The following SGCG variants were observed in gnomAD, a reference collection of about 807,000 sequenced individuals.
SGCG encodes gamma-sarcoglycan.
A neutral mutation model predicts 29.3 loss-of-function variants in SGCG; 26 were observed. The observed-to-expected ratio is 0.89, with a 90% CI of 0.65 to 1.23. The LOEUF is 1.23. SGCG is among the 50% of genes most tolerant of loss of function. SGCG has a pLI of 0.00. For synonymous variants in SGCG, 145 were observed against 129.7 expected (o/e 1.12, Z -0.80); for missense variants, 353 against 356.0 (o/e 0.99, Z 0.07).
intron 5 of SGCG, among the ~76,000 whole-genome samples, chr13:23,288,630 T>C (rs1370866787): frequency 6.6e-6 from 1 of 152,202 alleles, no homozygotes; most frequent in African/African-American, 2.4e-5. Flanking sequence ...CAGGCTCATC[T>C]TCCTCCCCCA....
intron 2 of SGCG, among the ~76,000 whole-genome samples, chr13:23,227,795 C>G (rs1033423762): frequency 7.9e-5 from 12 of 152,100 alleles, no homozygotes; most frequent in Non-Finnish European, 1.8e-4. Context: ...TGCAGAGGGG[C>G]ACGGGACATT....
intron 5 of SGCG, among the ~76,000 whole-genome samples, chr13:23,281,630 A>G (rs986833529): frequency 6.6e-6 from 1 of 152,114 alleles, no homozygotes; most frequent in Non-Finnish European, 1.5e-5. Context: ...ATGGAAGAAA[A>G]TGTTTTCACA....
chr13:23,261,002 C>G (rs1226286351), intron 4 of SGCG, among the ~76,000 whole-genome samples: 4 of 152,032 alleles, frequency 2.6e-5, no homozygotes, highest in African/African-American at 9.7e-5. Context: ...GTGAATCTGA[C>G]AATTATGTGT....
At chr13:23,223,898 G>A (rs4238169) in intron 2 of SGCG, among the ~76,000 whole-genome samples, 90,539 of 151,880 alleles carry the variant, frequency 0.6, 27,566 homozygotes, top group East Asian at 0.86. Context: ...CCCGGGAGGT[G>A]GAGGTTGCAG....
chr13:23,192,764 G>T (rs1186610748), intron 1 of SGCG, among the ~76,000 whole-genome samples: 1 of 152,194 alleles, frequency 6.6e-6, no homozygotes, highest in African/African-American at 2.4e-5. Context: ...AATAATTTAG[G>T]TCTTTAATTG....
In SGCG at chr13:23,279,433, G is replaced by A; in HGVS notation, c.460G>A (p.Asp154Asn). 6.2e-7 allele frequency: 1 copy of A among 1,613,428 alleles called. No homozygotes were observed. The highest frequency in any genetic ancestry group is 8.5e-7 in the Non-Finnish European group (1 of 1,179,484). ...SNDGKPLFTV[D>N]EKEVVVGTDK... ...CGACGGCAAGCCACTATTTACTGTA[G>A]ATGAGAAGGAAGTTGTGGTTGGTAC... is the stretch of plus-strand genomic sequence containing the variant. Residue 154 changes from aspartate to asparagine, a missense_variant, in exon 5 of 8, where the codon GAT becomes AAT. Asp to Asn is a conservative substitution (Grantham distance 23, BLOSUM62 1). Coordinates refer to ENST00000218867, the MANE Select transcript of SGCG (RefSeq NM_000231.3).
At chr13:23,257,336 G>C (rs1464705118) in intron 4 of SGCG, among the ~76,000 whole-genome samples, 3 of 152,024 alleles carry the variant, frequency 2.0e-5, no homozygotes, top group African/African-American at 7.2e-5. Flanking sequence ...ATGTATACAC[G>C]TGCCATGTTG....
chr13:23,195,340 G>A (rs924703128), intron 1 of SGCG, among the ~76,000 whole-genome samples: 10 of 152,136 alleles, frequency 6.6e-5, no homozygotes, highest in Non-Finnish European at 1.2e-4. Flanking sequence ...GCCTACCCGT[G>A]TAAATATAAA....
chr13:23,256,377 T>G (rs1880177348), intron 4 of SGCG, among the ~76,000 whole-genome samples: 1 of 152,168 alleles, frequency 6.6e-6, no homozygotes, highest in African/African-American at 2.4e-5. Flanking sequence ...AAAACTAACA[T>G]GAAAAACTTT....
At chr13:23,250,867 G>A (rs1287233269) in intron 4 of SGCG, 150 bp downstream of exon 4, 2 of 700,868 alleles carry the variant, frequency 2.9e-6, no homozygotes, top group African/African-American at 1.7e-5. Flanking sequence ...CCACAGACTA[G>A]CACCACAGAG....
chr13:23,303,916 A>G (rs1593101005), intron 6 of SGCG, among the ~76,000 whole-genome samples: 1 of 113,840 alleles, frequency 8.8e-6, no homozygotes. Flanking sequence ...ATGGCTCCCA[A>G]CACAATGTGT....
chr13:23,162,804 TG>T, the SGCG span, among the ~76,000 whole-genome samples: 5 of 152,082 alleles, frequency 3.3e-5, no homozygotes, highest in Non-Finnish European at 7.3e-5. Flanking sequence ...CACTCCAGCC[TG>T]GGCGATAGAG....
At chr13:23,295,339 T>A (rs1415115616) in intron 5 of SGCG, 76 bp from the exon 6 acceptor site, 3 of 1,162,602 alleles carry the variant, frequency 2.6e-6, no homozygotes, top group Non-Finnish European at 3.9e-6. Context: ...TTCTTTAATA[T>A]CTAGGCTAAA....
At chr13:23,231,988 A>G (rs973149433) in intron 2 of SGCG, among the ~76,000 whole-genome samples, 3 of 152,044 alleles carry the variant, frequency 2.0e-5, no homozygotes, top group Non-Finnish European at 2.9e-5. Flanking sequence ...GCGAGGTGGC[A>G]CACTCCTGTA....
At chr13:23,180,116 G>T (rs917069454), upstream of SGCG, among the ~76,000 whole-genome samples, 36 of 152,060 alleles carry the variant, frequency 2.4e-4, no homozygotes, top group African/African-American at 8.2e-4. Flanking sequence ...TATATTCAAG[G>T]TTTAGTACTA....
At chr13:23,203,548 C>A (rs990497358) in intron 1 of SGCG, 147 bp from the exon 2 acceptor site, 3 of 681,294 alleles carry the variant, frequency 4.4e-6, no homozygotes, top group Admixed American at 4.4e-5. Context: ...ATTTAATTAT[C>A]TTTTTAAAAA....
chr13:23,293,325 A>C (rs1283976586), intron 5 of SGCG, among the ~76,000 whole-genome samples: 1 of 152,038 alleles, frequency 6.6e-6, no homozygotes, highest in African/African-American at 2.4e-5. Context: ...ATCCTACTAA[A>C]TCTGTTTGTA....
At chr13:23,244,641 G>A (rs899609589) in intron 3 of SGCG, 5 of 152,154 alleles carry the variant, frequency 3.3e-5, no homozygotes, top group African/African-American at 7.2e-5. Context: ...CACATTTTAT[G>A]AGAAAAGTTA....
intron 1 of SGCG, among the ~76,000 whole-genome samples, chr13:23,187,029 T>A (rs1480482580): frequency 1.3e-5 from 2 of 152,192 alleles, no homozygotes; most frequent in Non-Finnish European, 2.9e-5. Flanking sequence ...CATCAGTGTC[T>A]GCTGTGGACA....
Sources: allele counts gnomAD v4.1 joint callset (sites outside exome capture counted in the v4.1 genomes callset), GRCh38; gene constraint gnomAD v4.1.1; transcripts MANE v1.5; gene names NCBI Gene and HGNC (gene_info 2026-07-23, HGNC 2026-07-21).